Variants in TMEM184C observed in about 807,000 individuals in gnomAD.
TMEM184C encodes transmembrane protein 184C.
A neutral mutation model predicts 54.5 loss-of-function variants in TMEM184C; 25 were observed. The observed-to-expected ratio is 0.46, with a 90% confidence interval of 0.33 to 0.64. The LOEUF is 0.64. Ranked by LOEUF, TMEM184C falls within the 30% of genes least tolerant of loss-of-function variation. The pLI, the probability that TMEM184C is intolerant of heterozygous loss-of-function variation, is 0.02. For missense variants in TMEM184C, 335 were observed against 520.3 expected, an observed-to-expected ratio of 0.64 and a Z score of 3.46; for synonymous variants, 148 against 181.5, an observed-to-expected ratio of 0.82 and a Z score of 1.49.
chr4:147,628,271 C>A, intron 4 of TMEM184C, 90 bp from the exon 5 acceptor site: 1 of 949,414 alleles, frequency 1.1e-6, no homozygotes. Context: ...TGGTATCATT[C>A]ATCAAAGTGA....
Position 147,618,087 on chromosome 4 carries a change from G to C in TMEM184C, c.123+8G>C. 1.2e-6 allele frequency: 2 copies of C among 1,613,956 alleles called. No individual in the cohort carries two copies. The highest frequency in any genetic ancestry group is 1.6e-4 in the Middle Eastern group (1 of 6,062). ...GAATTACAGAAACTGGAGGTAAGAG[G>C]GTTCTGCACCATCAGCCTGTACACT... On this transcript the variant is annotated splice_region_variant and intron_variant, in intron 1 of 9. Coordinates refer to ENST00000296582, the MANE Select transcript of TMEM184C (RefSeq NM_018241.3).
Position 147,634,727 on chromosome 4 carries a change from A to T in TMEM184C, c.*293A>T. ...TTACACTGCTTTATCAAGAGGATGG[A>T]CTTTTTTTTTTTTGAGACAGACAGA... On this transcript the variant is annotated 3_prime_UTR_variant, in exon 10 of 10. Transcript: ENST00000296582. 1 of 137,548 alleles carries T rather than the reference A, an allele frequency of 7.3e-6. No individual in the cohort carries two copies. The highest frequency in any genetic ancestry group is 1.3e-5 in the Non-Finnish European group (1 of 78,438). The allele number at this position is 137,548 out of a possible 1,614,324, so 8.5% of individuals were successfully genotyped here.
At chr4:147,624,731 G>A in intron 3 of TMEM184C, 73 bp from the exon 4 acceptor site, 2 of 1,423,596 alleles carry the variant, frequency 1.4e-6, no homozygotes, top group Non-Finnish European at 2.0e-6. Flanking sequence ...AGCTTATTGT[G>A]AGTACCATGA....
intron 7 of TMEM184C, 33 bp from the exon 8 acceptor site, chr4:147,632,870 T>G: frequency 6.3e-7 from 1 of 1,589,186 alleles, no homozygotes; most frequent in African/African-American, 1.4e-5. Flanking sequence ...ATGCTTGATA[T>G]AGATTTGGCG....
chr4:147,625,127 A>G (rs1732789161), intron 4 of TMEM184C, 118 bp downstream of exon 4: 1 of 923,938 alleles, frequency 1.1e-6, no homozygotes. Flanking sequence ...AACAATAAGT[A>G]TAAGACAGCT....
intron 4 of TMEM184C, among the ~76,000 whole-genome samples, chr4:147,626,207 A>G (rs903005330): frequency 2.6e-5 from 4 of 152,186 alleles, no homozygotes; most frequent in African/African-American, 9.7e-5. Flanking sequence ...TTCTAATCTT[A>G]TGGCTAATGT....
chr4:147,633,268 G>C (rs1732948763), intron 8 of TMEM184C, among the ~76,000 whole-genome samples: 1 of 151,704 alleles, frequency 6.6e-6, no homozygotes, highest in Admixed American at 6.6e-5. Flanking sequence ...CAATATACTT[G>C]ATGTGATTGA....
At position 147,634,372 on chromosome 4, in the gene TMEM184C, G is replaced by T. The variant is rs146128578; in HGVS notation, c.1255G>T (p.Glu419Ter). 54 of 1,614,056 alleles carry T rather than the reference G, an allele frequency of 3.3e-5. No individual in the cohort carries two copies. The highest frequency in any genetic ancestry group is 4.4e-5 in the Non-Finnish European group (52 of 1,180,014). ...TTPTTAKISD[E>*]ILSDTIGEKK... ...ACCTACCACAGCTAAGATATCTGAT[G>T]AAATCCTTAGTGATACTATAGGAGA... The change falls in exon 10 of 10, where the codon GAA becomes TAA. Residue 419 changes from glutamate to a stop codon, truncating the protein, a stop_gained. Coordinates refer to ENST00000296582, the MANE Select transcript of TMEM184C (RefSeq NM_018241.3). LOFTEE classifies it low-confidence loss of function (END_TRUNC).
chr4:147,628,480 A>G, intron 5 of TMEM184C, 45 bp downstream of exon 5: 2 of 1,495,654 alleles, frequency 1.3e-6, no homozygotes, highest in Non-Finnish European at 1.9e-6. Context: ...CATCCTTGTG[A>G]TCTTATGTGG....
At chr4:147,631,617 ACTTCT>A in intron 7 of TMEM184C, 112 bp downstream of exon 7, 1 of 741,736 alleles carries the variant, frequency 1.3e-6, no homozygotes, top group Non-Finnish European at 2.2e-6. Context: ...AAATGTCTCT[ACTTCT>A]CTTTTTAAAA....
chr4:147,617,797 C>A lies in TMEM184C; in HGVS notation c.-160C>A. On this transcript the variant is annotated 5_prime_UTR_variant, in exon 1 of 10. Coordinates refer to ENST00000296582, the MANE Select transcript of TMEM184C (RefSeq NM_018241.3). The stretch of plus-strand genomic sequence containing the variant: ...GCAGAAGCAGCAGCAGCAGAAGACA[C>A]AGCGCCGGTCCAGGAGGCGGCTCGA... The A allele has an allele frequency of 1.1e-6, 1 of 945,488 alleles. No homozygotes were observed. The highest frequency in any genetic ancestry group is 1.6e-6 in the Non-Finnish European group (1 of 606,648). 58.6% of individuals were successfully genotyped at this position (945,488 alleles called of 1,614,324 possible).
chr4:147,625,700 T>C (rs1419293708), intron 4 of TMEM184C, among the ~76,000 whole-genome samples: 1 of 152,116 alleles, frequency 6.6e-6, no homozygotes, highest in African/African-American at 2.4e-5. Context: ...GAGATTGGAA[T>C]AGAAAAGAAA....
intron 6 of TMEM184C, among the ~76,000 whole-genome samples, chr4:147,630,749 T>G (rs919420392): frequency 7.9e-5 from 12 of 152,058 alleles, no homozygotes; most frequent in Admixed American, 3.3e-4. Context: ...TCTTTACTGG[T>G]TTCATATTCT....
At chr4:147,634,109 G>T in intron 9 of TMEM184C, 60 bp from the exon 10 acceptor site, 1 of 1,555,996 alleles carries the variant, frequency 6.4e-7, no homozygotes, top group Non-Finnish European at 8.7e-7. Context: ...CTTATTTTTA[G>T]AATGGTAAGT....
Position 147,633,883 on chromosome 4 carries a change from T to C in TMEM184C, c.998T>C (p.Met333Thr). The C allele has an allele frequency of 6.2e-7, 1 of 1,614,012 alleles. No homozygotes were observed. ...EGSCFDSFLAMWDVSDIRDDI... is the reference protein window; with the variant it reads ...EGSCFDSFLATWDVSDIRDDI... ...TCATGCTTTGATTCCTTTCTTGCCA[T>C]GTGGGATGTCTCAGATATTAGAGAT... is the stretch of plus-strand genomic sequence containing the variant. Residue 333 changes from methionine (M) to threonine (T), a missense_variant, in exon 9 of 10, where the codon ATG becomes ACG. Transcript: ENST00000296582.
intron 1 of TMEM184C, among the ~76,000 whole-genome samples, chr4:147,620,153 ACTACT>A (rs1022825611): frequency 4.6e-5 from 7 of 152,088 alleles, no homozygotes; most frequent in African/African-American, 1.7e-4. Context: ...ATGTCACCTG[ACTACT>A]CTATTTAACA....
At chr4:147,632,203 A>G (rs983311893) in intron 7 of TMEM184C, among the ~76,000 whole-genome samples, 2 of 151,000 alleles carry the variant, frequency 1.3e-5, no homozygotes, top group African/African-American at 4.9e-5. Flanking sequence ...TTTAGTAAAG[A>G]GGTGGGTAAT....
chr4:147,631,535 ATT>A, intron 7 of TMEM184C, 30 bp downstream of exon 7: 1 of 1,557,088 alleles, frequency 6.4e-7, no homozygotes, highest in Non-Finnish European at 8.8e-7. Flanking sequence ...AAATGTTCTC[ATT>A]TTTTTAAGGG....
intron 1 of TMEM184C, among the ~76,000 whole-genome samples, chr4:147,622,006 C>G (rs1344774849): frequency 7.4e-6 from 1 of 135,262 alleles, no homozygotes; most frequent in Admixed American, 8.0e-5. Flanking sequence ...TTTTTTTGAG[C>G]CAGGGTCTCG....
Sources: gnomAD v4.1 joint callset for allele counts (sites outside exome capture counted in the v4.1 genomes callset) on GRCh38, gnomAD v4.1.1 for gene constraint, MANE v1.5 for transcripts, NCBI Gene and HGNC (gene_info 2026-07-23, HGNC 2026-07-21) for gene names.